Variants in HOTAIR observed in about 807,000 individuals in gnomAD.
HOTAIR encodes HOX transcript antisense RNA (non-protein coding).
intron 1 of HOTAIR, chr12:53,974,067 A>G (rs1254443962): frequency 3.1e-6 from 2 of 635,434 alleles, no homozygotes; most frequent in Non-Finnish European, 5.0e-6. Flanking sequence ...ATAAGCATTC[A>G]AAGGATTTTA....
chr12:53,965,226 A>G (rs773419118), intron 5 of HOTAIR, among the ~76,000 whole-genome samples: 5 of 152,252 alleles, frequency 3.3e-5, no homozygotes, highest in Non-Finnish European at 7.3e-5. Flanking sequence ...GTGAACCACA[A>G]TTTGGTACTT....
intron 1 of HOTAIR, among the ~76,000 whole-genome samples, chr12:53,970,054 A>G (rs1939123106): frequency 6.6e-6 from 1 of 152,158 alleles, no homozygotes; most frequent in African/African-American, 2.4e-5. Context: ...GTCTGCCTTA[A>G]CTTTGGTCCA....
chr12:53,974,041 T>G, intron 1 of HOTAIR: 4 of 775,966 alleles, frequency 5.2e-6, no homozygotes, highest in Non-Finnish European at 7.8e-6. Flanking sequence ...GTCAGTCCGA[T>G]TTTATGTGGA....
chr12:53,973,160 C>G lies in HOTAIR; in HGVS notation n.59+1738G>C. ...GAGAGAGAGACTAAGACGGATAACG[C>G]GTCATCTCGCCTTCCCAAATTTTCC... On this transcript the variant is annotated intron_variant and non_coding_transcript_variant, in intron 1 of 6. Transcript: ENST00000424518. This position sits in a 1 kb window ranked among gnomAD's most constrained non-coding sequence, Gnocchi z 4.3. The G allele has an allele frequency of 9.8e-7, 1 of 1,016,938 alleles. No individual in the cohort carries two copies. Among genetic ancestry groups the G allele is most frequent in the Non-Finnish European group, 1.4e-6 (1 of 698,124 alleles). The allele number at this position is 1,016,938 out of a possible 1,614,324, so 63.0% of individuals were successfully genotyped here. A position where few individuals can be genotyped will look rare whatever the true frequency, so the allele number is the denominator to read the frequency against.
rs984861461 is a variant in HOTAIR, at chr12:53,973,453, G to A, written n.59+1445C>T. ...TACTCGGCCCAAGTGCCCCCGGTCCGGGAGGTCTCCTACGGCCTGGAGCCA... is the reference window on the plus strand; with the variant it reads ...TACTCGGCCCAAGTGCCCCCGGTCCAGGAGGTCTCCTACGGCCTGGAGCCA... On this transcript the variant is annotated intron_variant and non_coding_transcript_variant, in intron 1 of 6. Transcript: ENST00000424518. The surrounding 1 kb of genome is among the most constrained non-coding windows in gnomAD (Gnocchi z 4.3). 7 of 1,613,932 alleles carry A rather than the reference G, an allele frequency of 4.3e-6. No homozygotes were observed. The highest frequency in any genetic ancestry group is 1.3e-5 in the African/African-American group (1 of 74,864).
chr12:53,973,193 C>T lies in HOTAIR; in HGVS notation n.59+1705G>A, dbSNP rs1216887193. On this transcript the variant is annotated intron_variant and non_coding_transcript_variant, in intron 1 of 6. Transcript: ENST00000424518. This position sits in a 1 kb window ranked among gnomAD's most constrained non-coding sequence, Gnocchi z 4.3. ...CGCCTTCCCAAATTTTCCCCCCTCG[C>T]TAGACCGGGTCCAAAACCTCCATCC... 32 of 1,480,708 alleles carry T rather than the reference C, an allele frequency of 2.2e-5. No individual in the cohort carries two copies. The highest frequency in any genetic ancestry group is 1.9e-4 in the Middle Eastern group (1 of 5,320). The allele number at this position is 1,480,708 out of a possible 1,614,324, so 91.7% of individuals were successfully genotyped here. A position where few individuals can be genotyped will look rare whatever the true frequency, so the allele number is the denominator to read the frequency against.
intron 5 of HOTAIR, among the ~76,000 whole-genome samples, chr12:53,965,489 G>A (rs1052027579): frequency 6.6e-6 from 1 of 152,246 alleles, no homozygotes; most frequent in African/African-American, 2.4e-5. Flanking sequence ...CACCTGGGTG[G>A]GGCAAAAGCC....
intron 1 of HOTAIR, among the ~76,000 whole-genome samples, chr12:53,971,841 T>C (rs1010739063): frequency 6.6e-6 from 1 of 152,254 alleles, no homozygotes; most frequent in African/African-American, 2.4e-5. Context: ...GGGTTGGGGA[T>C]GCAGAATGAC....
In HOTAIR at chr12:53,970,120, T is replaced by C. The variant is rs74089842; in HGVS notation, n.60-1364A>G. 7.4e-3 allele frequency among the ~76,000 whole-genome samples: 1,128 copies of C among 152,336 alleles called. 16 individuals carry two copies. The highest frequency in any genetic ancestry group is 0.025 in the African/African-American group (1,051 of 41,578). ...GCCTGCTAGCAGCCAGGCTGGCTGA[T>C]GGCGCTGACTGAGGACACCAAGAGC... On this transcript the variant is annotated intron_variant and non_coding_transcript_variant, in intron 1 of 6. Coordinates refer to ENST00000424518, the Ensembl canonical transcript of HOTAIR.
In HOTAIR at chr12:53,973,293, AG is replaced by A. The variant is rs777751809; in HGVS notation, n.59+1604del. 1 of 1,613,684 alleles carries A rather than the reference AG, an allele frequency of 6.2e-7. No homozygotes were observed. The highest frequency in any genetic ancestry group is 1.1e-5 in the South Asian group (1 of 91,062). ...CTTCTGCTCTCCGTCGCGCAAGGAG[AG>A]GGGCGCAGATTTCGGCGAGCGAGGG... On this transcript the variant is annotated intron_variant and non_coding_transcript_variant, in intron 1 of 6. Coordinates refer to ENST00000424518, the Ensembl canonical transcript of HOTAIR. This position sits in a 1 kb window ranked among gnomAD's most constrained non-coding sequence, Gnocchi z 4.3.
rs2136375307 is a variant in HOTAIR at position 53,973,281 on chromosome 12, T to C, written n.59+1617A>G. ...CAACCTGGGCAACTTCTGCTCTCCG[T>C]CGCGCAAGGAGAGGGGCGCAGATTT... On this transcript the variant is annotated intron_variant and non_coding_transcript_variant, in intron 1 of 6. Transcript: ENST00000424518. The surrounding 1 kb of genome is among the most constrained non-coding windows in gnomAD (Gnocchi z 4.3). The C allele has an allele frequency of 2.5e-6, 4 of 1,613,366 alleles. No homozygotes were observed. The South Asian group carries it at 3.3e-5, about 13-fold the overall frequency.
In HOTAIR at chr12:53,973,308, G is replaced by A; in HGVS notation, n.59+1590C>T. 1 of 1,613,940 alleles carries A rather than the reference G, an allele frequency of 6.2e-7. No homozygotes were observed. Among genetic ancestry groups the A allele is most frequent in the Non-Finnish European group, 8.5e-7 (1 of 1,180,000 alleles). The stretch of plus-strand genomic sequence containing the variant: ...GCGCAAGGAGAGGGGCGCAGATTTC[G>A]GCGAGCGAGGGAGCTGCGCCTCCAA... On this transcript the variant is annotated intron_variant and non_coding_transcript_variant, in intron 1 of 6. Coordinates refer to ENST00000424518, the Ensembl canonical transcript of HOTAIR. This position sits in a 1 kb window ranked among gnomAD's most constrained non-coding sequence, Gnocchi z 4.3.
chr12:53,971,821 G>A (rs11170775), intron 1 of HOTAIR, among the ~76,000 whole-genome samples: 78,202 of 152,176 alleles, frequency 0.51, 23,738 homozygotes, highest in East Asian at 0.72. Flanking sequence ...TCAGAGGGAT[G>A]GAAGGCAAGG....
chr12:53,973,069 C>T lies in HOTAIR; in HGVS notation n.59+1829G>A. Reference sequence around the variant, plus strand: ...CCCGATCTTACCTAAGAGAGAACCCCTCCTACGTCTGCGAAGTGCTCCGAA... The same window carrying T: ...CCCGATCTTACCTAAGAGAGAACCCTTCCTACGTCTGCGAAGTGCTCCGAA... On this transcript the variant is annotated intron_variant and non_coding_transcript_variant, in intron 1 of 6. Transcript: ENST00000424518. The surrounding 1 kb of genome is among the most constrained non-coding windows in gnomAD (Gnocchi z 4.3). 3.6e-6 allele frequency: 2 copies of T among 559,084 alleles called. No individual in the cohort carries two copies. Among genetic ancestry groups the T allele is most frequent in the Non-Finnish European group, 6.2e-6 (2 of 321,344 alleles). 34.6% of individuals were successfully genotyped at this position (559,084 alleles called of 1,614,324 possible).
At chr12:53,972,536 T>C (rs944838734) in intron 1 of HOTAIR, among the ~76,000 whole-genome samples, 3 of 152,184 alleles carry the variant, frequency 2.0e-5, no homozygotes, top group African/African-American at 7.2e-5. Context: ...TGCCTCACCT[T>C]TGGGAAACTT....
intron 1 of HOTAIR, chr12:53,968,804 TTTTTTG>T (rs1312352718): frequency 6.6e-6 from 1 of 152,378 alleles, no homozygotes; most frequent in Non-Finnish European, 1.5e-5. Flanking sequence ...CAAAAGATTT[TTTTTTG>T]TTTTTGTTTT....
In HOTAIR at chr12:53,973,297, G is replaced by C. The variant is rs773727228; in HGVS notation, n.59+1601C>G. ...TGCTCTCCGTCGCGCAAGGAGAGGG[G>C]CGCAGATTTCGGCGAGCGAGGGAGC... On this transcript the variant is annotated intron_variant and non_coding_transcript_variant, in intron 1 of 6. Transcript: ENST00000424518. The surrounding 1 kb of genome is among the most constrained non-coding windows in gnomAD (Gnocchi z 4.3). 1 of 1,613,894 alleles carries C rather than the reference G, an allele frequency of 6.2e-7. No individual in the cohort carries two copies. Among genetic ancestry groups the C allele is most frequent in the Non-Finnish European group, 8.5e-7 (1 of 1,180,008 alleles).
At chr12:53,972,223 C>A (rs1939159848) in intron 1 of HOTAIR, among the ~76,000 whole-genome samples, 1 of 152,230 alleles carries the variant, frequency 6.6e-6, no homozygotes, top group African/African-American at 2.4e-5. Context: ...AGGGCCCTGA[C>A]ATAGAAGATA....
rs1454620787 is a variant in HOTAIR at position 53,973,303 on chromosome 12, A to G, written n.59+1595T>C. On this transcript the variant is annotated intron_variant and non_coding_transcript_variant, in intron 1 of 6. Coordinates refer to ENST00000424518, the Ensembl canonical transcript of HOTAIR. This position sits in a 1 kb window ranked among gnomAD's most constrained non-coding sequence, Gnocchi z 4.3. ...CCGTCGCGCAAGGAGAGGGGCGCAG[A>G]TTTCGGCGAGCGAGGGAGCTGCGCC... The G allele has an allele frequency of 6.2e-7, 1 of 1,613,838 alleles. No individual in the cohort carries two copies. The highest frequency in any genetic ancestry group is 1.3e-5 in the African/African-American group (1 of 74,902).
Sources: allele counts gnomAD v4.1 joint callset (sites outside exome capture counted in the v4.1 genomes callset), GRCh38; gene constraint gnomAD v4.1.1; non-coding constraint Gnocchi (gnomAD v3.1); transcripts MANE v1.5; gene names NCBI Gene and HGNC (gene_info 2026-07-23, HGNC 2026-07-21).